NAV3: variants seen among roughly 807,000 people sequenced by gnomAD.
NAV3 encodes the protein neuron navigator 3.
A neutral mutation model predicts 244.7 loss-of-function variants in NAV3; 87 were observed. The ratio of observed to expected loss-of-function variants is 0.36; its 90% CI spans 0.30 to 0.42. The LOEUF is 0.42. Ranked by LOEUF, NAV3 falls within the 20% of genes least tolerant of loss-of-function variation. The pLI is 1.00. For missense variants in NAV3, 2,663 were observed against 2,893.3 expected, an observed-to-expected ratio of 0.92 and a Z score of 1.83; for synonymous variants, 1,126 against 1,042.2, an observed-to-expected ratio of 1.08 and a Z score of -1.55.
chr12:77,783,794 A>C (rs745956247), intron 2 of NAV3, among the ~76,000 whole-genome samples: 1 of 152,150 alleles, frequency 6.6e-6, no homozygotes, highest in Non-Finnish European at 1.5e-5. Context: ...CCTGGAGTGC[A>C]GATTCTATGT....
At chr12:78,034,634 C>A (rs1235210951) in intron 9 of NAV3, among the ~76,000 whole-genome samples, 1 of 152,114 alleles carries the variant, frequency 6.6e-6, no homozygotes, top group Admixed American at 6.5e-5. Flanking sequence ...TTTTGTGAAT[C>A]TGTAAGGCTT....
upstream of NAV3, among the ~76,000 whole-genome samples, chr12:77,829,007 T>C (rs938034249): frequency 1.3e-5 from 2 of 152,236 alleles, no homozygotes; most frequent in Non-Finnish European, 2.9e-5. Context: ...CGTAGAATTA[T>C]AACCTTGGGT....
intron 2 of NAV3, among the ~76,000 whole-genome samples, chr12:77,822,379 A>G (rs1872781132): frequency 6.6e-6 from 1 of 152,158 alleles, no homozygotes. Flanking sequence ...CTTTTGACTG[A>G]TTCAATACCA....
chr12:78,057,914 C>A (rs1253506013), intron 11 of NAV3, among the ~76,000 whole-genome samples: 3 of 152,130 alleles, frequency 2.0e-5, no homozygotes, highest in African/African-American at 7.2e-5. Context: ...TTTTTCCAAA[C>A]AATCATTTAA....
chr12:77,838,884 TGA>T (rs1875128411), intron 1 of NAV3, among the ~76,000 whole-genome samples: 1 of 152,208 alleles, frequency 6.6e-6, no homozygotes, highest in Admixed American at 6.6e-5. Context: ...TGAAATGAAA[TGA>T]GGATAATAGT....
chr12:77,976,569 T>G (rs1261477229), intron 5 of NAV3, among the ~76,000 whole-genome samples: 1 of 152,096 alleles, frequency 6.6e-6, no homozygotes, highest in Non-Finnish European at 1.5e-5. Context: ...GAGCCCTTTC[T>G]GAACCATTCT....
intron 2 of NAV3, among the ~76,000 whole-genome samples, chr12:77,653,736 A>G (rs1276940199): frequency 6.6e-6 from 1 of 152,198 alleles, no homozygotes; most frequent in Non-Finnish European, 1.5e-5. Flanking sequence ...TGAATACAAC[A>G]TAATGCTCTA....
At chr12:77,673,653 T>C (rs937899637) in intron 2 of NAV3, among the ~76,000 whole-genome samples, 3 of 152,122 alleles carry the variant, frequency 2.0e-5, no homozygotes, top group Non-Finnish European at 1.5e-5. Context: ...GTATGGTGTT[T>C]GATATCAAAC....
chr12:77,689,761 T>A (rs561793776), intron 2 of NAV3, among the ~76,000 whole-genome samples: 21 of 151,996 alleles, frequency 1.4e-4, no homozygotes, highest in Non-Finnish European at 2.7e-4. Context: ...TATTTTTATT[T>A]AAGGCAATAA....
intron 8 of NAV3, among the ~76,000 whole-genome samples, chr12:78,009,102 GTTTGCAATAAAA>G (rs1049199185): frequency 1.2e-4 from 18 of 152,096 alleles, no homozygotes; most frequent in African/African-American, 4.3e-4. Flanking sequence ...TAAAAAAATT[GTTTGCAATAAAA>G]TATCCAGTGG....
intron 2 of NAV3, among the ~76,000 whole-genome samples, chr12:77,641,086 G>T (rs1445121107): frequency 6.6e-6 from 1 of 152,128 alleles, no homozygotes; most frequent in African/African-American, 2.4e-5. Flanking sequence ...TCATTCCTAT[G>T]CCTCTCTGGG....
At chr12:77,899,991 G>C (rs1336735132) in intron 1 of NAV3, among the ~76,000 whole-genome samples, 1 of 151,908 alleles carries the variant, frequency 6.6e-6, no homozygotes, top group African/African-American at 2.4e-5. Flanking sequence ...CAGACAGTGA[G>C]AATAGTATCC....
chr12:78,116,786 G>T lies in NAV3; in HGVS notation c.2651G>T (p.Ser884Ile), dbSNP rs2138514985. The change falls in exon 13 of 40, where the codon AGT becomes ATT. Residue 884 changes from serine to isoleucine, a missense_variant. By Grantham distance (142) the Ser-to-Ile change is moderately radical. Transcript: ENST00000397909. ...CTTGCCTTTAGCTGGGATGACAGCA[G>T]TTCAGTGAGCAGTGGTCTCAGTGAC... is the stretch of plus-strand genomic sequence containing the variant. ...TVDADSWDDS[S>I]SVSSGLSDTL... The T allele has an allele frequency of 6.3e-7, 1 of 1,599,580 alleles. No homozygotes were observed. The highest frequency in any genetic ancestry group is 8.5e-7 in the Non-Finnish European group (1 of 1,170,704).
intron 2 of NAV3, among the ~76,000 whole-genome samples, chr12:77,664,814 G>A (rs899980271): frequency 2.6e-5 from 4 of 152,162 alleles, no homozygotes; most frequent in Non-Finnish European, 4.4e-5. Context: ...AAACAAAAAA[G>A]AGAAAACACT....
At chr12:78,191,315 G>A (rs1239284347) in intron 34 of NAV3, among the ~76,000 whole-genome samples, 1 of 152,092 alleles carries the variant, frequency 6.6e-6, no homozygotes, top group Non-Finnish European at 1.5e-5. Flanking sequence ...GTGTGAGAGA[G>A]ACAGAGAGAA....
At chr12:77,891,221 CAATTTATAAAGATA>C (rs1313389719) in intron 1 of NAV3, among the ~76,000 whole-genome samples, 2 of 148,182 alleles carry the variant, frequency 1.3e-5, no homozygotes, top group Non-Finnish European at 3.0e-5. Flanking sequence ...GATTTAATAT[CAATTTATAAAGATA>C]AATTTATAAA....
At position 78,127,173 on chromosome 12, in the gene NAV3, G is replaced by A. The variant is rs1955945999; in HGVS notation, c.4245G>A (p.Gln1415=). ...SVRSTLSESM[Q]LDRNTLPKKG... is the part of the protein sequence containing the mutation. ...GTTTTCTTTGTTTTAACAGCATGCA[G>A]CTTGACAGAAATACACTACCCAAAA... Residue 1415 remains glutamine, a synonymous_variant, in exon 17 of 40, where the codon CAG becomes CAA. Coordinates refer to ENST00000397909, the MANE Select transcript of NAV3 (RefSeq NM_001024383.2). 6.2e-7 allele frequency: 1 copy of A among 1,613,626 alleles called. No homozygotes were observed. The highest frequency in any genetic ancestry group is 1.7e-4 in the Middle Eastern group (1 of 6,054).
intron 7 of NAV3, 48 bp from the exon 8 acceptor site, chr12:78,006,371 A>G: frequency 1.3e-6 from 2 of 1,534,758 alleles, no homozygotes; most frequent in Non-Finnish European, 1.8e-6. Context: ...AATATAAATG[A>G]TCAAGATTAA....
intron 2 of NAV3, among the ~76,000 whole-genome samples, chr12:77,685,408 A>G (rs1413189316): frequency 6.6e-6 from 1 of 151,740 alleles, no homozygotes; most frequent in African/African-American, 2.4e-5. Flanking sequence ...CTCTTTGTTC[A>G]TTCACTGTCT....
Sources: allele counts gnomAD v4.1 joint callset (sites outside exome capture counted in the v4.1 genomes callset), GRCh38; gene constraint gnomAD v4.1.1; transcripts MANE v1.5; gene names NCBI Gene and HGNC (gene_info 2026-07-23, HGNC 2026-07-21).